Variants in FAF1 observed in about 807,000 individuals in gnomAD.
FAF1 encodes Fas associated factor 1.
FAF1 carries 25 observed loss-of-function variants against 92.5 expected under a neutral mutation model. That is an observed-to-expected ratio of 0.27 (90% CI 0.20 to 0.38). FAF1 has a LOEUF of 0.38. Among genes scored for constraint, FAF1 ranks in the 10% least tolerant of loss-of-function variants. The probability of loss-of-function intolerance (pLI) is 1.00; values close to 1 mark genes in which losing one functional copy is unlikely to be tolerated. For synonymous variants in FAF1, 234 were observed against 273.2 expected (o/e 0.86, Z 1.42); for missense variants, 636 against 793.3 (o/e 0.80, Z 2.38).
intron 4 of FAF1, among the ~76,000 whole-genome samples, chr1:50,751,435 C>T (rs1297981951): frequency 1.3e-5 from 2 of 152,092 alleles, no homozygotes; most frequent in Non-Finnish European, 2.9e-5. Context: ...CCTCCGCCTC[C>T]CAGGTTCAAG....
chr1:50,644,607 G>A (rs1334306853), intron 8 of FAF1, among the ~76,000 whole-genome samples: 2 of 152,186 alleles, frequency 1.3e-5, no homozygotes, highest in African/African-American at 4.8e-5. Context: ...ACCAAGTTCT[G>A]TTTTACTTTC....
chr1:50,839,463 G>T (rs948543447), intron 2 of FAF1, among the ~76,000 whole-genome samples: 1 of 152,038 alleles, frequency 6.6e-6, no homozygotes, highest in Non-Finnish European at 1.5e-5. Context: ...ATTTCATAAG[G>T]CCATGATCAC....
intron 12 of FAF1, among the ~76,000 whole-genome samples, chr1:50,576,639 C>CA (rs1558001580): frequency 6.6e-6 from 1 of 150,968 alleles, no homozygotes; most frequent in Admixed American, 6.6e-5. Context: ...CACCGCCCCC[C>CA]CCCCGCCACC....
chr1:50,897,855 G>C (rs181719119), intron 1 of FAF1, among the ~76,000 whole-genome samples: 15 of 152,226 alleles, frequency 9.9e-5, no homozygotes, highest in Non-Finnish European at 1.8e-4. Flanking sequence ...AGTACCATGA[G>C]TTTCTGCTTG....
intron 15 of FAF1, among the ~76,000 whole-genome samples, chr1:50,513,137 G>C (rs1277905690): frequency 6.6e-6 from 1 of 152,182 alleles, no homozygotes; most frequent in Non-Finnish European, 1.5e-5. Context: ...TTCCAGGCTG[G>C]AAGGAAAAAT....
At chr1:50,816,205 CTTTTTTTT>C (rs1167616418) in intron 2 of FAF1, among the ~76,000 whole-genome samples, 1 of 106,684 alleles carries the variant, frequency 9.4e-6, no homozygotes, top group Non-Finnish European at 2.0e-5. Flanking sequence ...TTTCCTTTTT[CTTTTTTTT>C]TTTTTTTTTG....
intron 9 of FAF1, among the ~76,000 whole-genome samples, chr1:50,589,787 C>CT (rs771188211): frequency 5.3e-5 from 8 of 152,066 alleles, no homozygotes; most frequent in Non-Finnish European, 1.0e-4. Flanking sequence ...CCTATGTTTT[C>CT]TTTTAACAGT....
At chr1:50,555,517 T>C (rs1266013180) in intron 13 of FAF1, among the ~76,000 whole-genome samples, 1 of 151,898 alleles carries the variant, frequency 6.6e-6, no homozygotes, top group Non-Finnish European at 1.5e-5. Flanking sequence ...ATGCTCAATA[T>C]CACTAATCAT....
chr1:50,781,402 C>G (rs1273771110), intron 4 of FAF1, among the ~76,000 whole-genome samples: 1 of 151,756 alleles, frequency 6.6e-6, no homozygotes, highest in Non-Finnish European at 1.5e-5. Context: ...AAAACTGTCA[C>G]AGGAGATAAA....
At chr1:50,762,850 A>G (rs941927002) in intron 4 of FAF1, among the ~76,000 whole-genome samples, 1 of 152,218 alleles carries the variant, frequency 6.6e-6, no homozygotes, top group Non-Finnish European at 1.5e-5. Context: ...GGATCTAATT[A>G]AACTAAAGAG....
intron 15 of FAF1, among the ~76,000 whole-genome samples, chr1:50,508,316 C>T (rs2149021104): frequency 6.6e-6 from 1 of 152,254 alleles, no homozygotes; most frequent in East Asian, 1.9e-4. Flanking sequence ...TCACAATAGC[C>T]AAAATGTGGA....
chr1:50,486,943 G>T (rs189872652), intron 17 of FAF1, among the ~76,000 whole-genome samples: 1 of 152,238 alleles, frequency 6.6e-6, no homozygotes, highest in East Asian at 1.9e-4. Context: ...TTACTATAAA[G>T]TCCATCCCTT....
At chr1:50,468,313 G>A (rs1181318602) in intron 18 of FAF1, among the ~76,000 whole-genome samples, 1 of 151,806 alleles carries the variant, frequency 6.6e-6, no homozygotes, top group Non-Finnish European at 1.5e-5. Context: ...TTTTTTTTGA[G>A]ACAGAGTCTT....
intron 7 of FAF1, among the ~76,000 whole-genome samples, chr1:50,680,257 T>C (rs1395240970): frequency 6.6e-6 from 1 of 152,236 alleles, no homozygotes; most frequent in African/African-American, 2.4e-5. Flanking sequence ...TTTTTTGGTT[T>C]GTTCCCTGCT....
chr1:50,689,562 C>A (rs773476541), intron 7 of FAF1, among the ~76,000 whole-genome samples: 1 of 151,950 alleles, frequency 6.6e-6, no homozygotes, highest in Non-Finnish European at 1.5e-5. Context: ...CCAGCCTGGG[C>A]GACAGAGCGA....
intron 18 of FAF1, among the ~76,000 whole-genome samples, chr1:50,458,646 T>A (rs1005027838): frequency 2.0e-5 from 3 of 152,362 alleles, no homozygotes; most frequent in East Asian, 3.9e-4. Context: ...GTCAGACGCA[T>A]ACAATGATGG....
chr1:50,796,293 C>T (rs72902768), intron 3 of FAF1, among the ~76,000 whole-genome samples: 10,032 of 152,126 alleles, frequency 0.066, 410 homozygotes, highest in East Asian at 0.094. Flanking sequence ...CATATCACCC[C>T]AACACTGGCA....
At position 50,738,867 on chromosome 1, in the gene FAF1, C is replaced by T. The variant is rs897084033; in HGVS notation, c.547G>A (p.Ala183Thr). The T allele has an allele frequency of 3.1e-6, 5 of 1,594,930 alleles. No individual in the cohort carries two copies. Among genetic ancestry groups the T allele is most frequent in the East Asian group, 4.5e-5 (2 of 44,494 alleles). The change falls in exon 6 of 19, where the codon GCT (alanine) becomes ACT (threonine). Residue 183 changes from alanine (A) to threonine (T), a missense_variant. Physicochemically the swap from Ala to Thr is moderately conservative, Grantham distance 58. Transcript: ENST00000396153. ...CAGGAAATATAAACAACTTACCCAG[C>T]ATGACTAGATGATGAAGGTGGTGGC... Reference protein sequence around the residue: ...DLPPPSSSSHAGALQESLNQN... With the variant: ...DLPPPSSSSHTGALQESLNQN...
chr1:50,854,380 G>C (rs1439585641), intron 2 of FAF1, among the ~76,000 whole-genome samples: 1 of 151,932 alleles, frequency 6.6e-6, no homozygotes, highest in Non-Finnish European at 1.5e-5. Flanking sequence ...TCTCAAGGGA[G>C]GAATCTCAGC....
Sources: allele counts gnomAD v4.1 joint callset (sites outside exome capture counted in the v4.1 genomes callset), GRCh38; gene constraint gnomAD v4.1.1; transcripts MANE v1.5; gene names NCBI Gene and HGNC (gene_info 2026-07-23, HGNC 2026-07-21).